ERC1: variants seen among roughly 807,000 people sequenced by gnomAD.
The protein encoded by ERC1 is RAB6 interacting protein 2.
In ERC1, 56 loss-of-function variants were observed where a neutral mutation model predicts 132.0. The observed-to-expected ratio is 0.42, with a 90% CI of 0.34 to 0.53. The LOEUF (loss-of-function observed/expected upper bound fraction) is 0.53. Among genes scored for constraint, ERC1 ranks in the 20% least tolerant of loss-of-function variants. The pLI is 0.03. For synonymous variants in ERC1, 478 were observed against 476.1 expected, an observed-to-expected ratio of 1.00 and a Z score of -0.05; for missense variants, 1,202 against 1,349.9, an observed-to-expected ratio of 0.89 and a Z score of 1.72.
intron 18 of ERC1, among the ~76,000 whole-genome samples, chr12:1,456,062 T>G (rs977454195): frequency 1.3e-5 from 2 of 152,232 alleles, no homozygotes; most frequent in East Asian, 3.8e-4. Context: ...TATGGCTCTC[T>G]TATTCATTCA....
At chr12:1,028,645 T>G (rs1967330407) in intron 2 of ERC1, 73 bp downstream of exon 2, 1 of 1,248,898 alleles carries the variant, frequency 8.0e-7, no homozygotes. Flanking sequence ...TTTTCCCCTT[T>G]CCTAGATTTT....
chr12:1,216,100 C>A (rs1414232216), intron 12 of ERC1, among the ~76,000 whole-genome samples: 1 of 151,374 alleles, frequency 6.6e-6, no homozygotes, highest in Non-Finnish European at 1.5e-5. Context: ...TTTTTTTGGT[C>A]TCCCCCTCTC....
chr12:1,241,944 C>T (rs183487386), intron 13 of ERC1, among the ~76,000 whole-genome samples: 227 of 138,214 alleles, frequency 1.6e-3, no homozygotes, highest in African/African-American at 4.9e-3. Context: ...CTGCAACCTT[C>T]ACCTCCTGGG....
At chr12:1,441,249 T>G (rs1439113731) in intron 17 of ERC1, among the ~76,000 whole-genome samples, 1 of 151,190 alleles carries the variant, frequency 6.6e-6, no homozygotes, top group Non-Finnish European at 1.5e-5. Context: ...TTAGTAGAGA[T>G]GGGGTTTCAC....
intron 2 of ERC1, among the ~76,000 whole-genome samples, chr12:1,039,428 G>T (rs1969790225): frequency 6.6e-6 from 1 of 151,784 alleles, no homozygotes; most frequent in Admixed American, 6.6e-5. Context: ...TACTTGGGAG[G>T]CTAGGGCAGG....
chr12:1,479,486 T>C (rs1403675598), intron 18 of ERC1, among the ~76,000 whole-genome samples: 1 of 152,202 alleles, frequency 6.6e-6, no homozygotes, highest in Admixed American at 6.5e-5. Context: ...CTGTAATCTT[T>C]CGAGAGGGCA....
chr12:1,127,549 C>T (rs1192284907), intron 7 of ERC1, among the ~76,000 whole-genome samples: 3 of 150,782 alleles, frequency 2.0e-5, no homozygotes, highest in African/African-American at 7.3e-5. Context: ...GTTGCCCAGG[C>T]TTGAGTGCGA....
At chr12:1,243,383 T>A (rs1255532829) in intron 13 of ERC1, among the ~76,000 whole-genome samples, 1 of 148,172 alleles carries the variant, frequency 6.7e-6, no homozygotes, top group Admixed American at 6.6e-5. Context: ...AGGGATGTAA[T>A]GAAACGTGAG....
chr12:1,337,075 C>T (rs542209447), intron 15 of ERC1, among the ~76,000 whole-genome samples: 3 of 152,138 alleles, frequency 2.0e-5, no homozygotes, highest in Non-Finnish European at 4.4e-5. Context: ...CTCAGCCTTC[C>T]AAAGTGCTGG....
intron 13 of ERC1, among the ~76,000 whole-genome samples, chr12:1,253,712 C>T (rs111516168): frequency 1.5e-3 from 226 of 152,104 alleles, no homozygotes; most frequent in African/African-American, 5.2e-3. Flanking sequence ...TAGAGTCTTA[C>T]AGCTCAGTGA....
intron 1 of ERC1, among the ~76,000 whole-genome samples, chr12:999,228 C>T (rs576015606): frequency 3.9e-5 from 6 of 152,092 alleles, no homozygotes; most frequent in East Asian, 3.8e-4. Context: ...GCTTTCTCAT[C>T]GCTTTCTATT....
chr12:1,171,925 G>A (rs61914301), intron 8 of ERC1, among the ~76,000 whole-genome samples: 1 of 152,168 alleles, frequency 6.6e-6, no homozygotes, highest in African/African-American at 2.4e-5. Flanking sequence ...ATAAATCTGT[G>A]CCAATGTGGA....
intron 3 of ERC1, among the ~76,000 whole-genome samples, chr12:1,098,738 T>C (rs931149212): frequency 1.9e-4 from 29 of 152,338 alleles, no homozygotes; most frequent in Admixed American, 5.2e-4. Context: ...CAGTTGGATG[T>C]ATGAGTCCTG....
intron 13 of ERC1, among the ~76,000 whole-genome samples, chr12:1,254,427 A>G (rs2076661362): frequency 6.6e-6 from 1 of 152,198 alleles, no homozygotes; most frequent in African/African-American, 2.4e-5. Context: ...TCCAAACAGT[A>G]CCTGTGTTAA....
intron 2 of ERC1, among the ~76,000 whole-genome samples, chr12:1,075,755 G>C (rs1486589616): frequency 6.6e-6 from 1 of 152,022 alleles, no homozygotes; most frequent in Admixed American, 6.6e-5. Context: ...AAAATCACAA[G>C]GAAGAGAAAA....
At chr12:1,183,979 C>CA (rs1209932832) in intron 11 of ERC1, among the ~76,000 whole-genome samples, 1 of 151,750 alleles carries the variant, frequency 6.6e-6, no homozygotes, top group Admixed American at 6.6e-5. Flanking sequence ...ACTAAAAACA[C>CA]AAAAAAATTA....
intron 18 of ERC1, among the ~76,000 whole-genome samples, chr12:1,445,209 T>G (rs889126711): frequency 6.6e-6 from 1 of 151,182 alleles, no homozygotes; most frequent in Non-Finnish European, 1.5e-5. Flanking sequence ...ATAGTCAGCA[T>G]GTTGTACAGT....
At chr12:1,188,288 T>C (rs1262732145) in intron 11 of ERC1, among the ~76,000 whole-genome samples, 1 of 152,176 alleles carries the variant, frequency 6.6e-6, no homozygotes, top group Non-Finnish European at 1.5e-5. Context: ...CCTCTCTTTA[T>C]GTGTAATATG....
At position 1,182,144 on chromosome 12, in the gene ERC1, A is replaced by G. The variant is rs1446846456; in HGVS notation, c.2016+79A>G. On this transcript the variant is annotated intron_variant, in intron 10 of 18. Coordinates refer to ENST00000360905, the MANE Select transcript of ERC1 (RefSeq NM_178040.4). ...GTATGTTGGTGTTTACATAATGCAT[A>G]TAAAAAAGTATTCGATGGAAAATTT... is the stretch of plus-strand genomic sequence containing the variant. The G allele has an allele frequency of 5.2e-6, 7 of 1,338,222 alleles. No homozygotes were observed. In the East Asian group the frequency reaches 1.2e-4, roughly 22 times the overall value. The allele number at this position is 1,338,222 out of a possible 1,614,324, so 82.9% of individuals were successfully genotyped here. A position where few individuals can be genotyped will look rare whatever the true frequency, so the allele number is the denominator to read the frequency against.
Sources: allele counts gnomAD v4.1 joint callset (sites outside exome capture counted in the v4.1 genomes callset), GRCh38; gene constraint gnomAD v4.1.1; transcripts MANE v1.5; gene names NCBI Gene and HGNC (gene_info 2026-07-23, HGNC 2026-07-21).